The following MYOM1 variants were observed in gnomAD, a reference collection of about 807,000 sequenced individuals.
MYOM1 encodes myomesin 1.
Under a neutral mutation model 205.3 loss-of-function variants are expected in MYOM1, and 164 were observed. The observed-to-expected ratio is 0.80, with a 90% CI of 0.70 to 0.91. The LOEUF (loss-of-function observed/expected upper bound fraction) is 0.91. Among genes scored for constraint, MYOM1 ranks in the 40% least tolerant of loss-of-function variants. MYOM1 has a pLI of 0.00. For synonymous variants in MYOM1, 772 were observed against 789.4 expected (o/e 0.98, Z 0.37); for missense variants, 2,011 against 2,127.3 (o/e 0.95, Z 1.08).
At chr18:3,190,240 C>A (rs2080884688) in intron 3 of MYOM1, among the ~76,000 whole-genome samples, 1 of 152,060 alleles carries the variant, frequency 6.6e-6, no homozygotes, top group Admixed American at 6.5e-5. Context: ...GTTGTTAACC[C>A]CCTCAAATGT....
intron 22 of MYOM1, among the ~76,000 whole-genome samples, chr18:3,110,148 T>A (rs1348983625): frequency 6.6e-6 from 1 of 152,244 alleles, no homozygotes; most frequent in East Asian, 1.9e-4. Context: ...CTTTCTCATA[T>A]AAAGTGTTTT....
intron 25 of MYOM1, among the ~76,000 whole-genome samples, chr18:3,095,619 G>T (rs1033518821): frequency 6.6e-6 from 1 of 152,124 alleles, no homozygotes; most frequent in African/African-American, 2.4e-5. Flanking sequence ...ACACATTAAG[G>T]TACTGTGAAT....
At chr18:3,211,740 T>C (rs953530783) in intron 2 of MYOM1, among the ~76,000 whole-genome samples, 1 of 152,244 alleles carries the variant, frequency 6.6e-6, no homozygotes, top group Non-Finnish European at 1.5e-5. Context: ...TGATCTGTAC[T>C]GCAAGCGCAC....
Position 3,090,657 on chromosome 18 carries a change from C to T in MYOM1, c.4009+1G>A, listed in dbSNP as rs761094442. The T allele has an allele frequency of 1.9e-6, 3 of 1,613,740 alleles. No individual in the cohort carries two copies. The highest frequency in any genetic ancestry group is 3.3e-5 in the Admixed American group (2 of 59,998). On this transcript the variant is annotated splice_donor_variant, in intron 27 of 37. Transcript: ENST00000356443. LOFTEE classifies it high-confidence loss of function. Reference sequence around the variant, plus strand: ...TGGTTAATGTTCCACGGAATTCTTACCATCTCCAACGAGAACAACAGTAGA... The same window carrying T: ...TGGTTAATGTTCCACGGAATTCTTATCATCTCCAACGAGAACAACAGTAGA...
the MYOM1 span, among the ~76,000 whole-genome samples, chr18:3,234,751 C>T: frequency 6.6e-6 from 1 of 152,100 alleles, no homozygotes; most frequent in African/African-American, 2.4e-5. Flanking sequence ...TTTCTGGCAG[C>T]TTTTACCATT....
chr18:3,129,099 G>T, intron 18 of MYOM1, 133 bp downstream of exon 18: 1 of 1,167,838 alleles, frequency 8.6e-7, no homozygotes, highest in Non-Finnish European at 1.2e-6. Flanking sequence ...CATTTCAGAT[G>T]GCTAGCTGAA....
At chr18:3,239,239 G>A in the MYOM1 span, among the ~76,000 whole-genome samples, 4 of 152,212 alleles carry the variant, frequency 2.6e-5, no homozygotes, top group African/African-American at 9.6e-5. Context: ...AGAGGAGCTG[G>A]CTTTCTATAG....
rs1001169568 is a variant in MYOM1, at chr18:3,189,871, T to C, written c.432-784A>G. ...CCCTGATACATGAGTAGGAGCTTGATCTGGGTTCTGTCACTTTGCTGATGT... is the reference window on the plus strand; with the variant it reads ...CCCTGATACATGAGTAGGAGCTTGACCTGGGTTCTGTCACTTTGCTGATGT... On this transcript the variant is annotated intron_variant, in intron 3 of 37. Transcript: ENST00000356443. This position sits in a 1 kb window ranked among gnomAD's most constrained non-coding sequence, Gnocchi z 4.8. Among the ~76,000 whole-genome samples the C allele has an allele frequency of 1.3e-5, 2 of 152,154 alleles. No homozygotes were observed. Among genetic ancestry groups the C allele is most frequent in the Non-Finnish European group, 2.9e-5 (2 of 68,022 alleles).
At chr18:3,095,036 A>C (rs1168546467) in intron 25 of MYOM1, among the ~76,000 whole-genome samples, 2 of 152,154 alleles carry the variant, frequency 1.3e-5, no homozygotes, top group African/African-American at 2.4e-5. Flanking sequence ...TATTTATTTT[A>C]AAACTACCCT....
At chr18:3,170,335 T>C (rs2080538799) in intron 8 of MYOM1, among the ~76,000 whole-genome samples, 1 of 152,236 alleles carries the variant, frequency 6.6e-6, no homozygotes, top group Non-Finnish European at 1.5e-5. Flanking sequence ...CCAATTACCC[T>C]GATTTGATCA....
At chr18:3,205,245 C>A (rs1300920672) in intron 2 of MYOM1, among the ~76,000 whole-genome samples, 1 of 152,004 alleles carries the variant, frequency 6.6e-6, no homozygotes, top group African/African-American at 2.4e-5. Flanking sequence ...AAATTAAAAA[C>A]TTCTGGTTTT....
chr18:3,106,026 T>C (rs889580980), intron 22 of MYOM1, among the ~76,000 whole-genome samples: 1 of 152,128 alleles, frequency 6.6e-6, no homozygotes, highest in Non-Finnish European at 1.5e-5. Flanking sequence ...ACAATAAAAG[T>C]AACAACACAT....
At chr18:3,230,333 G>C in the MYOM1 span, among the ~76,000 whole-genome samples, 1 of 152,212 alleles carries the variant, frequency 6.6e-6, no homozygotes, top group African/African-American at 2.4e-5. Context: ...AATTCATGCT[G>C]ACTTCCCAGA....
At chr18:3,093,671 G>A (rs1229591212) in intron 26 of MYOM1, 4 of 152,238 alleles carry the variant, frequency 2.6e-5, no homozygotes, top group African/African-American at 9.7e-5. Flanking sequence ...AAGAATGTGT[G>A]ATTAGTCCTT....
intron 10 of MYOM1, among the ~76,000 whole-genome samples, chr18:3,162,573 T>G (rs1447658160): frequency 6.6e-6 from 1 of 152,176 alleles, no homozygotes; most frequent in Non-Finnish European, 1.5e-5. Context: ...TGTTTTCTTG[T>G]GCCTCTACTA....
chr18:3,076,645 C>A (rs1387178874), intron 34 of MYOM1, among the ~76,000 whole-genome samples: 1 of 151,638 alleles, frequency 6.6e-6, no homozygotes, highest in African/African-American at 2.4e-5. Context: ...AAAATGAGAT[C>A]TATATAGTTC....
intron 2 of MYOM1, among the ~76,000 whole-genome samples, chr18:3,206,295 A>ATTTACATTTATTTACATT (rs1290622318): frequency 1.3e-5 from 2 of 152,192 alleles, no homozygotes; most frequent in African/African-American, 4.8e-5. Context: ...ATCTTTACAT[A>ATTTACATTTATTTACATT]TATTTACAGC....
At chr18:3,151,009 T>TC (rs2080212904) in intron 12 of MYOM1, among the ~76,000 whole-genome samples, 3 of 138,850 alleles carry the variant, frequency 2.2e-5, no homozygotes, top group Non-Finnish European at 3.1e-5. Flanking sequence ...TTCATTTTTT[T>TC]CATTTTTTTT....
chr18:3,166,432 G>C (rs1160397315), intron 9 of MYOM1, among the ~76,000 whole-genome samples: 2 of 151,902 alleles, frequency 1.3e-5, no homozygotes, highest in East Asian at 3.9e-4. Flanking sequence ...CACCACGCCT[G>C]GCTAATTCTT....
Sources: allele counts gnomAD v4.1 joint callset (sites outside exome capture counted in the v4.1 genomes callset), GRCh38; gene constraint gnomAD v4.1.1; non-coding constraint Gnocchi (gnomAD v3.1); transcripts MANE v1.5; gene names NCBI Gene and HGNC (gene_info 2026-07-23, HGNC 2026-07-21).